The following PPM1E variants were observed in gnomAD, a reference collection of about 807,000 sequenced individuals.
The protein encoded by PPM1E is protein phosphatase 1E.
A neutral mutation model predicts 65.9 loss-of-function variants in PPM1E; 20 were observed. The ratio of observed to expected loss-of-function variants is 0.30; its 90% confidence interval spans 0.21 to 0.44. The LOEUF is 0.44. Among genes scored for constraint, PPM1E ranks in the 20% least tolerant of loss-of-function variants. The pLI is 1.00. For synonymous variants in PPM1E, 352 were observed against 374.9 expected (o/e 0.94, Z 0.70); for missense variants, 713 against 953.1 (o/e 0.75, Z 3.32).
At chr17:58,963,767 T>C (rs1460433848) in intron 2 of PPM1E, among the ~76,000 whole-genome samples, 2 of 151,976 alleles carry the variant, frequency 1.3e-5, no homozygotes, top group Non-Finnish European at 2.9e-5. Context: ...CAGGCACCTG[T>C]AATCCCAGCT....
chr17:58,871,220 T>C (rs1445016490), intron 1 of PPM1E, among the ~76,000 whole-genome samples: 1 of 152,100 alleles, frequency 6.6e-6, no homozygotes, highest in Admixed American at 6.5e-5. Context: ...ATATATTTTT[T>C]GTAGAGATGG....
intron 1 of PPM1E, among the ~76,000 whole-genome samples, chr17:58,817,277 A>G (rs35934668): frequency 0.23 from 34,741 of 152,054 alleles, 5,127 homozygotes; most frequent in Middle Eastern, 0.41. Flanking sequence ...TCTTTTGGGT[A>G]TATGCCTAGG....
intron 1 of PPM1E, among the ~76,000 whole-genome samples, chr17:58,860,429 A>G (rs1457252972): frequency 6.6e-6 from 1 of 152,034 alleles, no homozygotes; most frequent in African/African-American, 2.4e-5. Context: ...TCCATCCCTT[A>G]TTTCTAATGG....
Position 58,755,882 on chromosome 17 carries a change from C to A in PPM1E, c.-116C>A. 2.6e-6 allele frequency: 4 copies of A among 1,511,718 alleles called. No homozygotes were observed. The highest frequency in any genetic ancestry group is 3.5e-6 in the Non-Finnish European group (4 of 1,131,280). The allele number at this position is 1,511,718 out of a possible 1,614,324, so 93.6% of individuals were successfully genotyped here. On this transcript the variant is annotated 5_prime_UTR_variant, in exon 1 of 7. Transcript: ENST00000308249. The stretch of plus-strand genomic sequence containing the variant: ...TCCAGGCAACCTAGTGCTGATCGCT[C>A]GTGCCGGTGCGGCCGTTAACCGCCC...
intron 1 of PPM1E, among the ~76,000 whole-genome samples, chr17:58,930,559 A>G (rs1052762285): frequency 1.3e-5 from 2 of 152,178 alleles, no homozygotes; most frequent in African/African-American, 4.8e-5. Flanking sequence ...TTAATCTTAT[A>G]AACACTTTGA....
chr17:58,969,579 A>G lies in PPM1E; in HGVS notation c.824A>G (p.His275Arg). 2 of 1,614,170 alleles carry G rather than the reference A, an allele frequency of 1.2e-6. No homozygotes were observed. The highest frequency in any genetic ancestry group is 1.7e-6 in the Non-Finnish European group (2 of 1,180,026). The stretch of plus-strand genomic sequence containing the variant: ...GCTTACTTTGCAGTGTTTGATGGCC[A>G]TGGGGGAGTAGATGCTGCTATTTAT... Reference protein sequence around the residue: ...EQAYFAVFDGHGGVDAAIYAS... With the variant: ...EQAYFAVFDGRGGVDAAIYAS... The change falls in exon 4 of 7, where the codon CAT (histidine) becomes CGT (arginine). Residue 275 changes from histidine to arginine, a missense_variant. Coordinates refer to ENST00000308249, the MANE Select transcript of PPM1E (RefSeq NM_014906.5).
chr17:58,815,932 T>C (rs186914341), intron 1 of PPM1E, among the ~76,000 whole-genome samples: 4 of 152,322 alleles, frequency 2.6e-5, no homozygotes, highest in African/African-American at 9.6e-5. Context: ...ACGTACATTC[T>C]ACCTGCATTA....
At chr17:58,872,506 A>G (rs1306169616) in intron 1 of PPM1E, among the ~76,000 whole-genome samples, 4 of 152,226 alleles carry the variant, frequency 2.6e-5, no homozygotes, top group Non-Finnish European at 5.9e-5. Context: ...GAGTCCCTTC[A>G]TGGTGACCAA....
intron 6 of PPM1E, among the ~76,000 whole-genome samples, chr17:58,975,671 A>T (rs1206555605): frequency 6.6e-6 from 1 of 152,164 alleles, no homozygotes; most frequent in Non-Finnish European, 1.5e-5. Flanking sequence ...TAGAGCAGAG[A>T]TGGGAGTGGT....
At chr17:58,797,503 C>G (rs565182397) in intron 1 of PPM1E, among the ~76,000 whole-genome samples, 16 of 152,284 alleles carry the variant, frequency 1.1e-4, no homozygotes, top group African/African-American at 3.8e-4. Context: ...TTCTTTCAGA[C>G]AGCATGTTTT....
chr17:58,792,743 CTTTTT>C (rs780992600), intron 1 of PPM1E, among the ~76,000 whole-genome samples: 344 of 76,230 alleles, frequency 4.5e-3, no homozygotes, highest in African/African-American at 0.021. Flanking sequence ...GAATTTTACT[CTTTTT>C]TTTTTTTTTT....
At chr17:58,783,367 C>A (rs1469158049) in intron 1 of PPM1E, among the ~76,000 whole-genome samples, 2 of 152,156 alleles carry the variant, frequency 1.3e-5, no homozygotes, top group Admixed American at 6.5e-5. Flanking sequence ...CTAATAGGAG[C>A]ATTTATGACA....
intron 1 of PPM1E, among the ~76,000 whole-genome samples, chr17:58,794,888 C>CT (rs35841208): frequency 0.027 from 3,539 of 131,590 alleles, 65 homozygotes; most frequent in Middle Eastern, 0.047. Context: ...GTACATGTGT[C>CT]TTTTTTTTTT....
At chr17:58,960,604 G>A (rs1055300925) in intron 2 of PPM1E, among the ~76,000 whole-genome samples, 3 of 151,770 alleles carry the variant, frequency 2.0e-5, no homozygotes, top group Non-Finnish European at 2.9e-5. Flanking sequence ...GTGAAATTCC[G>A]TCTCTACTAA....
chr17:58,831,707 T>TC (rs1220092272), intron 1 of PPM1E, among the ~76,000 whole-genome samples: 23 of 152,328 alleles, frequency 1.5e-4, no homozygotes, highest in African/African-American at 5.5e-4. Flanking sequence ...CTTGATGTCA[T>TC]CCCCCTATTG....
At chr17:58,960,951 C>T (rs942167736) in intron 2 of PPM1E, among the ~76,000 whole-genome samples, 16 of 151,862 alleles carry the variant, frequency 1.1e-4, no homozygotes, top group African/African-American at 3.6e-4. Flanking sequence ...CAATATGAAA[C>T]GATATATATT....
At chr17:58,822,319 AATTT>A (rs1200616177) in intron 1 of PPM1E, among the ~76,000 whole-genome samples, 1 of 146,672 alleles carries the variant, frequency 6.8e-6, no homozygotes, top group Non-Finnish European at 1.5e-5. Context: ...GCTAAGTCTG[AATTT>A]ATTTTTATTT....
intron 1 of PPM1E, among the ~76,000 whole-genome samples, chr17:58,894,833 A>G (rs1466319321): frequency 2.0e-5 from 3 of 152,106 alleles, no homozygotes. Context: ...GAGTTGATGT[A>G]TTTAGCTCTA....
At chr17:58,926,706 T>A (rs2051827930) in intron 1 of PPM1E, among the ~76,000 whole-genome samples, 1 of 152,200 alleles carries the variant, frequency 6.6e-6, no homozygotes, top group African/African-American at 2.4e-5. Flanking sequence ...TTTAAATTAC[T>A]ATTTGTATGG....
Sources: allele counts gnomAD v4.1 joint callset (sites outside exome capture counted in the v4.1 genomes callset), GRCh38; gene constraint gnomAD v4.1.1; transcripts MANE v1.5; gene names NCBI Gene and HGNC (gene_info 2026-07-23, HGNC 2026-07-21).